The following CSMD1 variants were observed in gnomAD, a reference collection of about 807,000 sequenced individuals.
CSMD1 encodes the protein CUB and Sushi multiple domains 1.
CSMD1 carries 213 observed loss-of-function variants against 417.5 expected under a neutral mutation model. That is an observed-to-expected ratio of 0.51 (90% CI 0.46 to 0.57). The LOEUF is 0.57. CSMD1 is among the 20% of genes least tolerant of loss of function. The pLI, the probability that CSMD1 is intolerant of heterozygous loss-of-function variation, is 0.00. For synonymous variants in CSMD1, 2,862 were observed against 1,736.8 expected, an observed-to-expected ratio of 1.65 and a Z score of -16.11; for missense variants, 6,923 against 4,529.7, an observed-to-expected ratio of 1.53 and a Z score of -15.17.
chr8:4,181,762 A>C (rs1042016779), intron 3 of CSMD1, among the ~76,000 whole-genome samples: 2 of 152,206 alleles, frequency 1.3e-5, no homozygotes, highest in African/African-American at 4.8e-5. Context: ...TTATCTTGTC[A>C]TTGAAATATT....
rs76089603 is a variant in CSMD1, at chr8:4,253,036, T to G, written c.415+166917A>C. Among the ~76,000 whole-genome samples the G allele has an allele frequency of 5.4e-3, 829 of 152,338 alleles. 5 individuals are homozygous for G. Among genetic ancestry groups the G allele is most frequent in the African/African-American group, 0.019 (771 of 41,582 alleles). On this transcript the variant is annotated intron_variant, in intron 3 of 69. Coordinates refer to ENST00000635120, the MANE Select transcript of CSMD1 (RefSeq NM_033225.6). ...GGTACCAGCAGCTGAACAAAATTTTTCATGTGCCAACGTCTTACGATGAGA... is the reference window on the plus strand; with the variant it reads ...GGTACCAGCAGCTGAACAAAATTTTGCATGTGCCAACGTCTTACGATGAGA...
At chr8:3,716,668 G>C (rs973223050) in intron 6 of CSMD1, among the ~76,000 whole-genome samples, 1 of 152,088 alleles carries the variant, frequency 6.6e-6, no homozygotes, top group Non-Finnish European at 1.5e-5. Context: ...CTGTGACTAA[G>C]AGTTCCTTAA....
intron 23 of CSMD1, among the ~76,000 whole-genome samples, chr8:3,309,335 T>G (rs1177916444): frequency 2.3e-5 from 3 of 132,216 alleles, no homozygotes; most frequent in Non-Finnish European, 1.7e-5. Flanking sequence ...AAAAAAAAAC[T>G]GGCGCTCCTG....
chr8:4,660,656 T>C (rs1804536505), intron 1 of CSMD1, among the ~76,000 whole-genome samples: 1 of 149,118 alleles, frequency 6.7e-6, no homozygotes. Flanking sequence ...ACATTTCCTC[T>C]TTGAAAAATC....
At chr8:4,957,129 G>C (rs557886642) in intron 1 of CSMD1, among the ~76,000 whole-genome samples, 12 of 152,254 alleles carry the variant, frequency 7.9e-5, no homozygotes, top group African/African-American at 2.4e-4. Flanking sequence ...AGTAATAAAA[G>C]CAAATGAAAT....
At chr8:4,692,955 G>C (rs1328774900) in intron 1 of CSMD1, among the ~76,000 whole-genome samples, 1 of 152,186 alleles carries the variant, frequency 6.6e-6, no homozygotes, top group African/African-American at 2.4e-5. Flanking sequence ...CAATCCCCAA[G>C]AGGTCACCTG....
chr8:4,925,215 G>GTTTTTTTTTTTT lies in CSMD1; in HGVS notation c.85+69105_85+69116dup, dbSNP rs10692207. 9.3e-4 allele frequency among the ~76,000 whole-genome samples: 68 copies of GTTTTTTTTTTTT among 72,740 alleles called. 2 individuals carry two copies. Among genetic ancestry groups the GTTTTTTTTTTTT allele is most frequent in the East Asian group, 3.5e-3 (7 of 1,988 alleles). The allele number at this position is 72,740 out of a possible 152,430, so 47.7% of individuals were successfully genotyped here. The stretch of plus-strand genomic sequence containing the variant: ...AAACATGGTGAATACCAGTTTTATG[G>GTTTTTTTTTTTT]TTTTTTTTTTTTTTTTTTTTTTTTT... On this transcript the variant is annotated intron_variant, in intron 1 of 69. Coordinates refer to ENST00000635120, the MANE Select transcript of CSMD1 (RefSeq NM_033225.6).
intron 3 of CSMD1, among the ~76,000 whole-genome samples, chr8:4,378,596 T>C (rs1173675773): frequency 6.6e-6 from 1 of 152,136 alleles, no homozygotes; most frequent in Non-Finnish European, 1.5e-5. Flanking sequence ...ATACCTTGAG[T>C]CAAAAAGGAT....
chr8:4,250,446 T>TA, intron 3 of CSMD1, among the ~76,000 whole-genome samples: 1 of 152,256 alleles, frequency 6.6e-6, no homozygotes, highest in Admixed American at 6.5e-5. Flanking sequence ...ACATGCGTAA[T>TA]ACATGAGTGA....
intron 41 of CSMD1, among the ~76,000 whole-genome samples, chr8:3,136,175 G>T (rs960138317): frequency 2.0e-5 from 3 of 151,880 alleles, no homozygotes; most frequent in Middle Eastern, 3.4e-3. Flanking sequence ...TATGATCAAG[G>T]CTCTATTTTC....
chr8:4,237,208 T>A (rs572122346), intron 3 of CSMD1, among the ~76,000 whole-genome samples: 1 of 152,134 alleles, frequency 6.6e-6, no homozygotes, highest in Admixed American at 6.5e-5. Flanking sequence ...ACTTTGCAAA[T>A]CAATTGTTTA....
At chr8:3,693,875 G>C (rs1391931923) in intron 7 of CSMD1, among the ~76,000 whole-genome samples, 1 of 150,832 alleles carries the variant, frequency 6.6e-6, no homozygotes. Context: ...TGTGTGTTTC[G>C]TGTATGTTGA....
intron 36 of CSMD1, among the ~76,000 whole-genome samples, chr8:3,183,624 G>T (rs574485208): frequency 1.0e-3 from 150 of 143,050 alleles, no homozygotes; most frequent in Non-Finnish European, 1.7e-3. Context: ...GTTTCTTAAC[G>T]ATACCATCGG....
At chr8:4,303,896 C>A (rs189207020) in intron 3 of CSMD1, among the ~76,000 whole-genome samples, 3 of 152,054 alleles carry the variant, frequency 2.0e-5, no homozygotes, top group Non-Finnish European at 4.4e-5. Flanking sequence ...ACCTTGTGAT[C>A]TGCCTGCCTC....
At chr8:4,645,347 C>T (rs149459229) in intron 1 of CSMD1, among the ~76,000 whole-genome samples, 5 of 144,908 alleles carry the variant, frequency 3.5e-5, no homozygotes, top group East Asian at 2.1e-4. Context: ...AATGTTTTCA[C>T]CTACTGAGAA....
intron 6 of CSMD1, among the ~76,000 whole-genome samples, chr8:3,728,365 C>G (rs1802620545): frequency 6.6e-6 from 1 of 152,128 alleles, no homozygotes; most frequent in African/African-American, 2.4e-5. Context: ...AACCTCGTTC[C>G]TTTATCAATT....
At chr8:3,032,654 C>T (rs1197038692) in intron 50 of CSMD1, among the ~76,000 whole-genome samples, 1 of 151,996 alleles carries the variant, frequency 6.6e-6, no homozygotes, top group African/African-American at 2.4e-5. Context: ...TAGTCACTGA[C>T]ATCAGAAGCC....
intron 3 of CSMD1, among the ~76,000 whole-genome samples, chr8:4,129,794 G>C (rs893829332): frequency 6.6e-6 from 1 of 151,872 alleles, no homozygotes; most frequent in Admixed American, 6.6e-5. Flanking sequence ...TTCTCCATTT[G>C]TTACTCCAAC....
chr8:4,327,613 G>T (rs1799632987), intron 3 of CSMD1, among the ~76,000 whole-genome samples: 1 of 152,022 alleles, frequency 6.6e-6, no homozygotes, highest in South Asian at 2.1e-4. Flanking sequence ...TCAGAAAGGG[G>T]AAAAAGCCCC....
Sources: gnomAD v4.1 joint callset for allele counts (sites outside exome capture counted in the v4.1 genomes callset) on GRCh38, gnomAD v4.1.1 for gene constraint, MANE v1.5 for transcripts, NCBI Gene and HGNC (gene_info 2026-07-23, HGNC 2026-07-21) for gene names.